Variants in TP73 observed in about 807,000 individuals in gnomAD.
TP73 encodes the protein p53-like transcription factor.
Under a neutral mutation model 62.5 loss-of-function variants are expected in TP73, and 25 were observed. The observed-to-expected ratio is 0.40, with a 90% CI of 0.29 to 0.56. The LOEUF is 0.56. TP73 is among the 20% of genes least tolerant of loss of function. The probability of loss-of-function intolerance (pLI) is 0.46; values close to 1 mark genes in which losing one functional copy is unlikely to be tolerated. For synonymous variants in TP73, 423 were observed against 377.5 expected (o/e 1.12, Z -1.40); for missense variants, 754 against 913.3 (o/e 0.83, Z 2.25).
At chr1:3,700,292 G>T (rs893950237) in intron 3 of TP73, among the ~76,000 whole-genome samples, 3 of 152,124 alleles carry the variant, frequency 2.0e-5, no homozygotes, top group Admixed American at 2.0e-4. Context: ...TTTCTCTGTT[G>T]TCATTTCCAC....
At chr1:3,712,050 C>G (rs1019879197) in intron 4 of TP73, 3 of 152,124 alleles carry the variant, frequency 2.0e-5, no homozygotes, top group Non-Finnish European at 4.4e-5. Flanking sequence ...CCCAGCGCCT[C>G]GGAGGCTTGC....
intron 4 of TP73, among the ~76,000 whole-genome samples, chr1:3,709,077 G>C (rs1002298046): frequency 6.6e-6 from 1 of 152,236 alleles, no homozygotes; most frequent in Non-Finnish European, 1.5e-5. Flanking sequence ...CGGAGCCTAA[G>C]GTAGACTGTC....
chr1:3,669,748 C>T lies in TP73; in HGVS notation c.-33-12585C>T, dbSNP rs577188367. On this transcript the variant is annotated intron_variant, in intron 1 of 13. Coordinates refer to ENST00000378295, the MANE Select transcript of TP73 (RefSeq NM_005427.4). ...AGGAAGGGGCTGGGCATGTCCTGTT[C>T]CTTCTGCCTGGGTCCTGCTTCCAGG... Among the ~76,000 whole-genome samples the T allele has an allele frequency of 2.6e-5, 4 of 152,366 alleles. No individual in the cohort carries two copies. The South Asian group carries it at 6.2e-4, about 24-fold the overall frequency.
chr1:3,702,751 T>C (rs1474964872), intron 3 of TP73, among the ~76,000 whole-genome samples: 1 of 152,210 alleles, frequency 6.6e-6, no homozygotes. Flanking sequence ...TGCACACACA[T>C]GTAGGCACTT....
chr1:3,719,890 T>TTGTGTGTGTGTGTGTG (rs5772122), intron 4 of TP73, among the ~76,000 whole-genome samples: 165 of 132,202 alleles, frequency 1.2e-3, no homozygotes, highest in African/African-American at 3.0e-3. Flanking sequence ...TTTTTTCTCT[T>TTGTGTGTGTGTGTGTG]TGTGTGTGTG....
At chr1:3,727,391 G>A (rs1557582861) in intron 7 of TP73, 167 bp downstream of exon 7, 3 of 926,916 alleles carry the variant, frequency 3.2e-6, no homozygotes, top group Non-Finnish European at 4.8e-6. Flanking sequence ...GGGCCTGCCT[G>A]GGCACAAGCT....
At chr1:3,684,322 G>T (rs924424732) in intron 3 of TP73, among the ~76,000 whole-genome samples, 1 of 152,246 alleles carries the variant, frequency 6.6e-6, no homozygotes, top group Admixed American at 6.5e-5. Flanking sequence ...GCGCGTCTGG[G>T]GCAGGGTCGG....
At chr1:3,689,591 G>A (rs551729667) in intron 3 of TP73, among the ~76,000 whole-genome samples, 3 of 152,226 alleles carry the variant, frequency 2.0e-5, no homozygotes, top group East Asian at 3.9e-4. Flanking sequence ...CCGCTCTCCC[G>A]GGGGTGGGGG....
chr1:3,710,422 G>C (rs531721396), intron 4 of TP73, among the ~76,000 whole-genome samples: 2 of 152,156 alleles, frequency 1.3e-5, no homozygotes, highest in South Asian at 2.1e-4. Flanking sequence ...CGGGGCCGCC[G>C]GGCAGCCCGC....
chr1:3,735,336 A>G lies in TP73; in HGVS notation c.*2257A>G, dbSNP rs1441739915. ...TTAGGTACGTTACCTGTCCACCCTG[A>G]GTCCAGTGAGGCTGTCCCAAGAGCC... is the stretch of plus-strand genomic sequence containing the variant. On this transcript the variant is annotated 3_prime_UTR_variant, in exon 14 of 14. Transcript: ENST00000378295. 1 of 144,900 alleles carries G rather than the reference A, an allele frequency of 6.9e-6. No homozygotes were observed. Among genetic ancestry groups the G allele is most frequent in the Non-Finnish European group, 1.5e-5 (1 of 66,046 alleles). The allele number at this position is 144,900 out of a possible 1,614,324, so 9.0% of individuals were successfully genotyped here.
chr1:3,722,104 AG>A lies in TP73; in HGVS notation c.515del (p.Gly172AlafsTer16). On this transcript the variant is annotated frameshift_variant, in exon 5 of 14. Coordinates refer to ENST00000378295, the MANE Select transcript of TP73 (RefSeq NM_005427.4). LOFTEE classifies it high-confidence loss of function. The stretch of plus-strand genomic sequence containing the variant: ...TCAAGGTGTCCACCCCGCCACCCCC[AG>A]GCACCGCCATCCGGGCCATGCCTGT... ...QIKVSTPPPPGTAIRAMPVYK... is the reference protein window; with the variant it reads ...QIKVSTPPPPXTAIRAMPVYK... The A allele has an allele frequency of 6.2e-7, 1 of 1,612,822 alleles. No individual in the cohort carries two copies. Among genetic ancestry groups the A allele is most frequent in the Admixed American group, 1.7e-5 (1 of 59,994 alleles).
chr1:3,660,536 C>T (rs895753638), intron 1 of TP73, among the ~76,000 whole-genome samples: 1 of 152,154 alleles, frequency 6.6e-6, no homozygotes, highest in African/African-American at 2.4e-5. Context: ...AATAAAAATG[C>T]TAATAGTTTC....
At position 3,736,003 on chromosome 1, in the gene TP73, A is replaced by G. The variant is rs1642436841; in HGVS notation, c.*2924A>G. On this transcript the variant is annotated 3_prime_UTR_variant, in exon 14 of 14. Transcript: ENST00000378295. The stretch of plus-strand genomic sequence containing the variant: ...CCTCTGTTACCAGTTAAAGCACTTT[A>G]ATGCTTTAAGGTGAAAACGAAATCC... 1 of 152,250 alleles carries G rather than the reference A, an allele frequency of 6.6e-6. No individual in the cohort carries two copies. Among genetic ancestry groups the G allele is most frequent in the Admixed American group, 6.5e-5 (1 of 15,292 alleles). 9.4% of individuals were successfully genotyped at this position (152,250 alleles called of 1,614,324 possible). A position where few individuals can be genotyped will look rare whatever the true frequency, so the allele number is the denominator to read the frequency against.
In TP73 at chr1:3,735,178, G is replaced by T. The variant is rs113486780; in HGVS notation, c.*2099G>T. 6.6e-6 allele frequency: 1 copy of T among 152,354 alleles called. No homozygotes were observed. The highest frequency in any genetic ancestry group is 1.5e-5 in the Non-Finnish European group (1 of 68,158). The allele number at this position is 152,354 out of a possible 1,614,324, so 9.4% of individuals were successfully genotyped here. On this transcript the variant is annotated 3_prime_UTR_variant, in exon 14 of 14. Coordinates refer to ENST00000378295, the MANE Select transcript of TP73 (RefSeq NM_005427.4). The stretch of plus-strand genomic sequence containing the variant: ...CTTGGGGGCTGGGCACCTGCTACCC[G>T]AGGCCACCTCCTGAAGCCCCCACTC...
chr1:3,689,624 C>T (rs993112674), intron 3 of TP73, among the ~76,000 whole-genome samples: 6 of 151,978 alleles, frequency 3.9e-5, no homozygotes, highest in Non-Finnish European at 8.8e-5. Context: ...AGGCCCCTGC[C>T]GGCTCTCGGT....
Position 3,732,808 on chromosome 1 carries a change from A to C in TP73, c.1640A>C (p.Asp547Ala). The change falls in exon 14 of 14, where the codon GAC becomes GCC. Residue 547 changes from aspartate to alanine, a missense_variant. Asp to Ala is a moderately radical substitution (Grantham distance 126, BLOSUM62 -2). This residue lies in a region of TP73 where 458 missense variants were observed against 528.7 expected (regional missense o/e 0.87). Transcript: ENST00000378295. ...ATGACCATCTGGCGGGGCCTGCAGG[A>C]CCTGAAGCAGGGCCACGACTACAGC... ...YRMTIWRGLQ[D>A]LKQGHDYSTA... is the part of the protein sequence containing the mutation. 6.2e-7 allele frequency: 1 copy of C among 1,608,376 alleles called. No individual in the cohort carries two copies. The highest frequency in any genetic ancestry group is 8.5e-7 in the Non-Finnish European group (1 of 1,176,682).
chr1:3,672,177 TCA>T lies in TP73; in HGVS notation c.-33-10155_-33-10154del, dbSNP rs1426078052. 1.3e-5 allele frequency among the ~76,000 whole-genome samples: 2 copies of T among 152,002 alleles called. No homozygotes were observed. The highest frequency in any genetic ancestry group is 2.9e-5 in the Non-Finnish European group (2 of 67,958). Reference sequence around the variant, plus strand: ...GGGGTATGTGTAGGGTGGGGACATCTCAGAGTGGAGCATCCCCACCAAGGGTG... The same window carrying T: ...GGGGTATGTGTAGGGTGGGGACATCTGAGTGGAGCATCCCCACCAAGGGTG... On this transcript the variant is annotated intron_variant, in intron 1 of 13. Coordinates refer to ENST00000378295, the MANE Select transcript of TP73 (RefSeq NM_005427.4). The surrounding 1 kb of genome is among the most constrained non-coding windows in gnomAD (Gnocchi z 5.3).
At chr1:3,686,138 CAG>C (rs992849456) in intron 3 of TP73, among the ~76,000 whole-genome samples, 64 of 152,342 alleles carry the variant, frequency 4.2e-4, no homozygotes, top group African/African-American at 1.5e-3. Flanking sequence ...CTCCCATACT[CAG>C]GGGCGGGTCT....
intron 4 of TP73, among the ~76,000 whole-genome samples, chr1:3,718,096 T>C (rs3765766): frequency 0.76 from 115,313 of 152,086 alleles, 45,790 homozygotes; most frequent in Non-Finnish European, 0.88. Flanking sequence ...CGAAGACCTG[T>C]CCGTTCTAGG....
Sources: gnomAD v4.1 joint callset for allele counts (sites outside exome capture counted in the v4.1 genomes callset) on GRCh38, gnomAD v4.1.1 for gene constraint, gnomAD v4.1.1 regional missense constraint, Gnocchi (gnomAD v3.1) non-coding constraint, MANE v1.5 for transcripts, NCBI Gene and HGNC (gene_info 2026-07-23, HGNC 2026-07-21) for gene names.